Variants in GPATCH2 observed in about 807,000 individuals in gnomAD.
GPATCH2 encodes the protein G-patch domain containing 2, also known as G patch domain-containing protein 2.
In GPATCH2, 51 loss-of-function variants were observed where a neutral mutation model predicts 58.0. That is an observed-to-expected ratio of 0.88 (90% CI 0.70 to 1.11). GPATCH2 has a LOEUF of 1.11. GPATCH2 is among the 50% of genes most tolerant of loss of function. The probability of loss-of-function intolerance (pLI) is 0.00; values close to 1 mark genes in which losing one functional copy is unlikely to be tolerated. For missense variants in GPATCH2, 625 were observed against 652.2 expected (o/e 0.96, Z 0.45); for synonymous variants, 222 against 218.5 (o/e 1.02, Z -0.14).
At chr1:217,493,891 C>T (rs1291618477) in intron 7 of GPATCH2, among the ~76,000 whole-genome samples, 2 of 151,950 alleles carry the variant, frequency 1.3e-5, no homozygotes, top group Non-Finnish European at 2.9e-5. Flanking sequence ...GATACTTGAA[C>T]ACTATTCCTG....
rs775326294 is a variant in GPATCH2 at position 217,448,322 on chromosome 1, GT to G, written c.1366+926del. Among the ~76,000 whole-genome samples, 44 of 152,052 alleles carry G rather than the reference GT, an allele frequency of 2.9e-4. 2 individuals carry two copies. Among genetic ancestry groups the G allele is most frequent in the Admixed American group, 1.7e-3 (26 of 15,274 alleles). The stretch of plus-strand genomic sequence containing the variant: ...TGAAGCTAAGAGAAAATTTCTAAAT[GT>G]GTATGGTTAAAGATCCCAGACAATA... On this transcript the variant is annotated intron_variant, in intron 9 of 9. Coordinates refer to ENST00000366935, the MANE Select transcript of GPATCH2 (RefSeq NM_018040.5).
At chr1:217,563,847 C>G (rs1030811954) in intron 5 of GPATCH2, among the ~76,000 whole-genome samples, 3 of 151,928 alleles carry the variant, frequency 2.0e-5, no homozygotes, top group African/African-American at 7.2e-5. Flanking sequence ...GAGTTCGAGA[C>G]CAGCCTGACC....
chr1:217,614,501 C>T (rs1367878386), intron 2 of GPATCH2, among the ~76,000 whole-genome samples: 1 of 152,004 alleles, frequency 6.6e-6, no homozygotes, highest in East Asian at 1.9e-4. Context: ...TCATCAAATG[C>T]TCACTGCTCC....
At chr1:217,612,663 A>G (rs1367132309) in intron 3 of GPATCH2, among the ~76,000 whole-genome samples, 1 of 152,176 alleles carries the variant, frequency 6.6e-6, no homozygotes, top group Non-Finnish European at 1.5e-5. Context: ...TGACTACCAT[A>G]TATCTGAATT....
At chr1:217,605,281 T>C (rs1315282849) in intron 5 of GPATCH2, among the ~76,000 whole-genome samples, 1 of 152,196 alleles carries the variant, frequency 6.6e-6, no homozygotes, top group Non-Finnish European at 1.5e-5. Context: ...AATTATTGTG[T>C]TCAGGGTTTT....
intron 8 of GPATCH2, among the ~76,000 whole-genome samples, chr1:217,461,283 A>G (rs1314020849): frequency 6.6e-5 from 10 of 152,322 alleles, no homozygotes; most frequent in East Asian, 3.9e-4. Context: ...GTGGAATTCA[A>G]TTGGAAACCT....
At chr1:217,527,708 T>A (rs1031258142) in intron 5 of GPATCH2, among the ~76,000 whole-genome samples, 3 of 152,180 alleles carry the variant, frequency 2.0e-5, no homozygotes, top group Non-Finnish European at 4.4e-5. Context: ...ATGAAGCCAA[T>A]TATATCTATT....
At chr1:217,603,453 C>T (rs554184364) in intron 5 of GPATCH2, among the ~76,000 whole-genome samples, 141 of 152,062 alleles carry the variant, frequency 9.3e-4, no homozygotes, top group Non-Finnish European at 1.6e-3. Flanking sequence ...AATATCTGCT[C>T]TTTTAATAAA....
At chr1:217,596,637 T>C (rs985718778) in intron 5 of GPATCH2, among the ~76,000 whole-genome samples, 1 of 152,174 alleles carries the variant, frequency 6.6e-6, no homozygotes, top group Non-Finnish European at 1.5e-5. Flanking sequence ...AAAGCTGATA[T>C]GAAAAATAAT....
At chr1:217,624,641 CTAGAGA>C in intron 1 of GPATCH2, among the ~76,000 whole-genome samples, 1 of 152,318 alleles carries the variant, frequency 6.6e-6, no homozygotes. Context: ...ACACTTTATC[CTAGAGA>C]TAGTTTCTTA....
intron 5 of GPATCH2, among the ~76,000 whole-genome samples, chr1:217,515,241 A>G (rs910776198): frequency 1.7e-4 from 26 of 151,758 alleles, no homozygotes; most frequent in African/African-American, 5.6e-4. Context: ...GACTACAGGC[A>G]CCCGCCACCA....
rs1047553223 is a variant in GPATCH2 at position 217,591,916 on chromosome 1, C to T, written c.1098+18405G>A. On this transcript the variant is annotated intron_variant, in intron 5 of 9. Transcript: ENST00000366935. ...TTATTTTTAAAGTTTTTACAGCTAG[C>T]TAAATGTATTAAAACCTATAATTTG... 3.3e-5 allele frequency among the ~76,000 whole-genome samples: 5 copies of T among 151,812 alleles called. No homozygotes were observed. The East Asian group carries it at 9.6e-4, about 29-fold the overall frequency.
intron 5 of GPATCH2, among the ~76,000 whole-genome samples, chr1:217,517,674 CATCAG>C (rs1417902123): frequency 6.6e-6 from 1 of 152,042 alleles, no homozygotes; most frequent in African/African-American, 2.4e-5. Flanking sequence ...CAGTTTTAAA[CATCAG>C]ATCAAAGTAT....
At chr1:217,511,787 GGC>G (rs1156802035) in intron 6 of GPATCH2, among the ~76,000 whole-genome samples, 1 of 151,832 alleles carries the variant, frequency 6.6e-6, no homozygotes, top group Non-Finnish European at 1.5e-5. Flanking sequence ...TCCCTAGAAG[GGC>G]ATCAACCTAT....
chr1:217,505,205 G>A (rs1048581507), intron 6 of GPATCH2, among the ~76,000 whole-genome samples: 4 of 152,266 alleles, frequency 2.6e-5, no homozygotes, highest in Non-Finnish European at 5.9e-5. Context: ...GGACATAGAC[G>A]CAGTTTAGAG....
At chr1:217,567,990 G>C (rs971142250) in intron 5 of GPATCH2, among the ~76,000 whole-genome samples, 1 of 152,078 alleles carries the variant, frequency 6.6e-6, no homozygotes, top group African/African-American at 2.4e-5. Flanking sequence ...GGTGGCGGGC[G>C]CCTGCAGTCC....
At chr1:217,502,417 A>G (rs540105773) in intron 6 of GPATCH2, among the ~76,000 whole-genome samples, 33 of 152,026 alleles carry the variant, frequency 2.2e-4, no homozygotes, top group African/African-American at 7.5e-4. Context: ...CTCCCATTTT[A>G]TTTTTCATTT....
chr1:217,613,225 C>T (rs1314680943), intron 3 of GPATCH2, among the ~76,000 whole-genome samples: 1 of 151,908 alleles, frequency 6.6e-6, no homozygotes, highest in Non-Finnish European at 1.5e-5. Context: ...TGTACCTATT[C>T]ATTTAGGACA....
intron 5 of GPATCH2, among the ~76,000 whole-genome samples, chr1:217,537,544 A>G (rs1034590444): frequency 1.3e-5 from 2 of 152,158 alleles, no homozygotes; most frequent in African/African-American, 4.8e-5. Flanking sequence ...TCTCACTACT[A>G]TCACTGTCCT....
Sources: gnomAD v4.1 joint callset for allele counts (sites outside exome capture counted in the v4.1 genomes callset) on GRCh38, gnomAD v4.1.1 for gene constraint, MANE v1.5 for transcripts, NCBI Gene and HGNC (gene_info 2026-07-23, HGNC 2026-07-21) for gene names.